The following PPP3CB variants were observed in gnomAD, a reference collection of about 807,000 sequenced individuals.
The protein encoded by PPP3CB is serine/threonine-protein phosphatase 2B catalytic subunit beta isoform.
A neutral mutation model predicts 66.4 loss-of-function variants in PPP3CB; 8 were observed. The ratio of observed to expected loss-of-function variants is 0.12; its 90% CI spans 0.07 to 0.22. The LOEUF is 0.22. PPP3CB is among the 10% of genes least tolerant of loss of function. The pLI is 1.00. For missense variants in PPP3CB, 319 were observed against 642.5 expected, an observed-to-expected ratio of 0.50 and a Z score of 5.44; for synonymous variants, 208 against 221.2, an observed-to-expected ratio of 0.94 and a Z score of 0.53.
intron 12 of PPP3CB, among the ~76,000 whole-genome samples, chr10:73,443,234 CAGAGAGAGAGAGAGAAAGAG>C (rs1564546886): frequency 3.0e-5 from 3 of 101,072 alleles, no homozygotes; most frequent in Non-Finnish European, 4.1e-5. Context: ...AAAAGAAAGA[CAGAGAGAGAGAGAGAAAGAG>C]AGAGAGAGAG....
In PPP3CB at chr10:73,467,691, T is replaced by G. The variant is rs368913541; in HGVS notation, c.983-13A>C. 172 of 1,530,136 alleles carry G rather than the reference T, an allele frequency of 1.1e-4. No homozygotes were observed. In the African/African-American group the frequency reaches 2.1e-3, roughly 19 times the overall value. 94.8% of individuals were successfully genotyped at this position (1,530,136 alleles called of 1,614,324 possible). A position where few individuals can be genotyped will look rare whatever the true frequency, so the allele number is the denominator to read the frequency against. On this transcript the variant is annotated splice_polypyrimidine_tract_variant and intron_variant, in intron 8 of 13. Transcript: ENST00000360663. ...TTTAATACAGCAGCTGCAAGATAAG[T>G]TGAACATCAATAACTTAATAGATAA...
At chr10:73,475,476 T>C (rs1033294731) in intron 3 of PPP3CB, among the ~76,000 whole-genome samples, 1 of 152,222 alleles carries the variant, frequency 6.6e-6, no homozygotes, top group African/African-American at 2.4e-5. Context: ...ATATCATCTT[T>C]ATTTTACAAA....
intron 10 of PPP3CB, among the ~76,000 whole-genome samples, chr10:73,453,407 C>CGT (rs141940852): frequency 4.7e-4 from 71 of 151,392 alleles, no homozygotes; most frequent in African/African-American, 7.3e-4. Flanking sequence ...ATTAAATTTT[C>CGT]GTGTGTGTGT....
At chr10:73,451,135 G>A (rs903239221) in intron 10 of PPP3CB, among the ~76,000 whole-genome samples, 2 of 151,692 alleles carry the variant, frequency 1.3e-5, no homozygotes, top group Non-Finnish European at 2.9e-5. Context: ...TATAAGAAGA[G>A]GACTAAAGCA....
chr10:73,457,260 GAAAA>G (rs35129439), intron 9 of PPP3CB, among the ~76,000 whole-genome samples: 18 of 68,964 alleles, frequency 2.6e-4, no homozygotes, highest in Admixed American at 3.7e-4. Context: ...CTCTAAAAAA[GAAAA>G]AAAAAAAAAA....
chr10:73,477,791 C>T (rs2056815302), intron 3 of PPP3CB, among the ~76,000 whole-genome samples: 1 of 152,026 alleles, frequency 6.6e-6, no homozygotes, highest in Admixed American at 6.6e-5. Context: ...GTGGTGTGTA[C>T]CTGTGGTCCC....
rs987044791 is a variant in PPP3CB at position 73,437,732 on chromosome 10, G to A, written c.*510C>T. ...ACTATAGACCTGAGGTCAACATTTT[G>A]TATAAATGCCAACTGGGTTTCTCGG... On this transcript the variant is annotated 3_prime_UTR_variant, in exon 14 of 14. Coordinates refer to ENST00000360663, the MANE Select transcript of PPP3CB (RefSeq NM_021132.4). The A allele has an allele frequency of 6.5e-6, 1 of 152,844 alleles. No individual in the cohort carries two copies. The highest frequency in any genetic ancestry group is 3.4e-3 in the Middle Eastern group (1 of 294). The allele number at this position is 152,844 out of a possible 1,614,324, so 9.5% of individuals were successfully genotyped here. A position where few individuals can be genotyped will look rare whatever the true frequency, so the allele number is the denominator to read the frequency against.
chr10:73,478,470 C>A, intron 3 of PPP3CB, 29 bp downstream of exon 3: 1 of 1,588,262 alleles, frequency 6.3e-7, no homozygotes, highest in Non-Finnish European at 8.6e-7. Flanking sequence ...CACTTAACAG[C>A]AAATCAAATG....
intron 10 of PPP3CB, among the ~76,000 whole-genome samples, chr10:73,449,531 A>T (rs2056311798): frequency 6.6e-6 from 1 of 152,214 alleles, no homozygotes; most frequent in South Asian, 2.1e-4. Context: ...GTGAAACTGC[A>T]ACACATATGG....
In PPP3CB at chr10:73,495,906, G is replaced by GC. The variant is rs1379842926; in HGVS notation, c.-18_-17insG. On this transcript the variant is annotated 5_prime_UTR_variant, in exon 1 of 14. Transcript: ENST00000360663. ...GGCGGCCATGCTGGGCCCGGGGCTCGGCTAGGCTCTGGGCCGGGCGGGGTT... is the reference window on the plus strand; with the variant it reads ...GGCGGCCATGCTGGGCCCGGGGCTCGCGCTAGGCTCTGGGCCGGGCGGGGTT... 8.0e-7 allele frequency: 1 copy of GC among 1,250,272 alleles called. No homozygotes were observed. The highest frequency in any genetic ancestry group is 1.6e-5 in the African/African-American group (1 of 62,340). 77.4% of individuals were successfully genotyped at this position (1,250,272 alleles called of 1,614,324 possible).
rs752096364 is a variant in PPP3CB at position 73,470,651 on chromosome 10, GTTGT to G, written c.982+32_982+35del. On this transcript the variant is annotated intron_variant, in intron 8 of 13. Transcript: ENST00000360663. ...TAAAAAAAGTCAATTAAAATACTAA[GTTGT>G]TTAACAATTTTTTTTATCAACAATA... is the stretch of plus-strand genomic sequence containing the variant. 4.5e-6 allele frequency: 6 copies of G among 1,319,320 alleles called. No homozygotes were observed. In the African/African-American group the frequency reaches 6.0e-5, roughly 13 times the overall value. 81.7% of individuals were successfully genotyped at this position (1,319,320 alleles called of 1,614,324 possible). A position where few individuals can be genotyped will look rare whatever the true frequency, so the allele number is the denominator to read the frequency against.
chr10:73,482,714 T>C (rs966248798), intron 1 of PPP3CB, among the ~76,000 whole-genome samples: 4 of 151,414 alleles, frequency 2.6e-5, no homozygotes, highest in African/African-American at 9.7e-5. Context: ...ACCTCCTGGG[T>C]TCAAGCGATC....
In PPP3CB at chr10:73,449,639, C is replaced by A. The variant is rs749999245; in HGVS notation, c.1187-3066G>T. Among the ~76,000 whole-genome samples the A allele has an allele frequency of 1.3e-4, 20 of 152,248 alleles. 1 individual carries two copies. The Middle Eastern group carries it at 0.01, about 78-fold the overall frequency. On this transcript the variant is annotated intron_variant, in intron 10 of 13. Transcript: ENST00000360663. The stretch of plus-strand genomic sequence containing the variant: ...TCACAGAAATCAGTTTTCAAAAATT[C>A]TCTTTTATGATTAACACTTCTAAAA...
intron 8 of PPP3CB, among the ~76,000 whole-genome samples, chr10:73,469,640 C>T (rs2056673075): frequency 1.3e-5 from 2 of 152,208 alleles, no homozygotes; most frequent in South Asian, 4.1e-4. Flanking sequence ...GTAGCATATT[C>T]TGTACCCAAG....
rs58404946 is a variant in PPP3CB at position 73,485,950 on chromosome 10, G to GTGTGTGTGTGTGTGTGTGTGTGTA, written c.86-6434_86-6433insTACACACACACACACACACACACA. ...TGTGTGTGTGTGTGTGTGTGTGTGT[G>GTGTGTGTGTGTGTGTGTGTGTGTA]TATTTTTTTTTTTCAGATGCAGTCT... On this transcript the variant is annotated intron_variant, in intron 1 of 13. Transcript: ENST00000360663. Among the ~76,000 whole-genome samples, 52 of 124,686 alleles carry GTGTGTGTGTGTGTGTGTGTGTGTA rather than the reference G, an allele frequency of 4.2e-4. No individual in the cohort carries two copies. The East Asian group carries it at 4.2e-3, about 10-fold the overall frequency. 81.8% of individuals were successfully genotyped at this position (124,686 alleles called of 152,430 possible).
chr10:73,479,501 TG>T lies in PPP3CB; in HGVS notation c.101del (p.Pro34GlnfsTer5). 1 of 1,613,972 alleles carries T rather than the reference TG, an allele frequency of 6.2e-7. No homozygotes were observed. The highest frequency in any genetic ancestry group is 8.5e-7 in the Non-Finnish European group (1 of 1,179,924). On this transcript the variant is annotated frameshift_variant, in exon 2 of 14. Transcript: ENST00000360663. LOFTEE classifies it high-confidence loss of function. ...DRVVKAVPFP[P>X]THRLTSEEVF... Reference sequence around the variant, plus strand: ...CTTCTTCAGATGTCAAGCGATGTGTTGGGGGGAAAGGGACAGCTGCAAATGT... The same window carrying T: ...CTTCTTCAGATGTCAAGCGATGTGTTGGGGGAAAGGGACAGCTGCAAATGT...
chr10:73,478,112 A>G (rs2056820461), intron 3 of PPP3CB, among the ~76,000 whole-genome samples: 1 of 152,252 alleles, frequency 6.6e-6, no homozygotes. Flanking sequence ...CTCAAGCAAT[A>G]AAAAAATCAC....
chr10:73,443,238 G>A (rs1283063128), intron 12 of PPP3CB, among the ~76,000 whole-genome samples: 2 of 141,592 alleles, frequency 1.4e-5, no homozygotes, highest in African/African-American at 5.6e-5. Context: ...GAAAGACAGA[G>A]AGAGAGAGAG....
At chr10:73,463,179 C>T (rs982805563) in intron 9 of PPP3CB, among the ~76,000 whole-genome samples, 1 of 152,108 alleles carries the variant, frequency 6.6e-6, no homozygotes, top group African/African-American at 2.4e-5. Context: ...CTCACTGATT[C>T]TACTTCTACC....
Sources: gnomAD v4.1 joint callset for allele counts (sites outside exome capture counted in the v4.1 genomes callset) on GRCh38, gnomAD v4.1.1 for gene constraint, MANE v1.5 for transcripts, NCBI Gene and HGNC (gene_info 2026-07-23, HGNC 2026-07-21) for gene names.